Variants in NPC2 observed in about 807,000 individuals in gnomAD.
NPC2 encodes Niemann-Pick disease type C2 protein.
In NPC2, 14 loss-of-function variants were observed where a neutral mutation model predicts 17.0. The ratio of observed to expected loss-of-function variants is 0.82; its 90% CI spans 0.54 to 1.29. NPC2 has a LOEUF of 1.29. Among genes scored for constraint, NPC2 ranks in the 50% most tolerant of loss-of-function variants. The pLI is 0.00. For synonymous variants in NPC2, 75 were observed against 69.3 expected, an observed-to-expected ratio of 1.08 and a Z score of -0.41; for missense variants, 167 against 183.4, an observed-to-expected ratio of 0.91 and a Z score of 0.52.
chr14:74,484,353 T>C, intron 3 of NPC2, 62 bp downstream of exon 3: 3 of 1,567,846 alleles, frequency 1.9e-6, no homozygotes, highest in Non-Finnish European at 1.8e-6. Flanking sequence ...TCTTGCCCAC[T>C]GCCCTCAGAA....
upstream of NPC2, chr14:74,493,419 C>CCCGGCTCCGGAAAG (rs1481522094): frequency 1.4e-5 from 22 of 1,534,618 alleles, no homozygotes; most frequent in Non-Finnish European, 1.9e-5. This position sits in a 1 kb window ranked among gnomAD's most constrained non-coding sequence, Gnocchi z 4.1. Flanking sequence ...GCGCCCCGCC[C>CCCGGCTCCGGAAAG]CCGGCTCCGG....
intron 3 of NPC2, among the ~76,000 whole-genome samples, chr14:74,481,701 C>G (rs1467667150): frequency 2.0e-5 from 3 of 152,174 alleles, no homozygotes; most frequent in Admixed American, 1.3e-4. Flanking sequence ...GGATGACAAC[C>G]TTTTGTAGCA....
At chr14:74,493,307 A>G, upstream of NPC2, 1 of 1,604,274 alleles carries the variant, frequency 6.2e-7, no homozygotes, top group Non-Finnish European at 8.5e-7. The surrounding 1 kb of genome is among the most constrained non-coding windows in gnomAD (Gnocchi z 4.1). Context: ...TCGGGAAAGA[A>G]GCAGCGGCCG....
chr14:74,487,281 T>TTTG (rs2086724042), intron 1 of NPC2, among the ~76,000 whole-genome samples: 1 of 149,876 alleles, frequency 6.7e-6, no homozygotes, highest in African/African-American at 2.5e-5. Context: ...TTTGTTTTTT[T>TTTG]TTTTTGAGAC....
intron 2 of NPC2, among the ~76,000 whole-genome samples, chr14:74,485,219 C>T (rs2086697507): frequency 7.3e-6 from 1 of 136,306 alleles, no homozygotes; most frequent in African/African-American, 2.7e-5. Context: ...CGCTTGAGCC[C>T]AGGAGGCGGA....
chr14:74,480,322 G>GT, intron 4 of NPC2, 34 bp from the exon 5 acceptor site: 1 of 1,571,428 alleles, frequency 6.4e-7, no homozygotes, highest in Non-Finnish European at 8.8e-7. Flanking sequence ...AGTGGAAGTG[G>GT]TTTGGAACCT....
At chr14:74,483,211 T>C (rs1429966069) in intron 3 of NPC2, 3 of 865,418 alleles carry the variant, frequency 3.5e-6, no homozygotes, top group Non-Finnish European at 5.8e-6. Flanking sequence ...TGCACTAGTA[T>C]ATTCAGTCCA....
intron 4 of NPC2, 75 bp from the exon 5 acceptor site, chr14:74,480,363 G>A (rs2086643452): frequency 1.5e-6 from 2 of 1,310,194 alleles, no homozygotes; most frequent in Non-Finnish European, 2.2e-6. Context: ...TAACCCTAGG[G>A]CAAGTTATCA....
At chr14:74,487,264 GT>G (rs1491518755) in intron 1 of NPC2, among the ~76,000 whole-genome samples, 1 of 142,914 alleles carries the variant, frequency 7.0e-6, no homozygotes, top group Non-Finnish European at 1.5e-5. Flanking sequence ...TGTTTTTGTG[GT>G]TTTTTTTTGT....
At chr14:74,493,312 C>G (rs775366079), upstream of NPC2, 1 of 1,597,158 alleles carries the variant, frequency 6.3e-7, no homozygotes, top group Non-Finnish European at 8.5e-7. This position sits in a 1 kb window ranked among gnomAD's most constrained non-coding sequence, Gnocchi z 4.1. Flanking sequence ...AAAGAAGCAG[C>G]GGCCGCCCGC....
At chr14:74,482,996 G>C in intron 3 of NPC2, 1 of 801,510 alleles carries the variant, frequency 1.2e-6, no homozygotes, top group Non-Finnish European at 2.2e-6. Flanking sequence ...GTGGTCCTTG[G>C]TTCAGGAGGT....
At chr14:74,487,263 G>GTTTTTTTTTTTTTT (rs1208707592) in intron 1 of NPC2, among the ~76,000 whole-genome samples, 2 of 134,952 alleles carry the variant, frequency 1.5e-5, no homozygotes, top group Non-Finnish European at 1.6e-5. Flanking sequence ...TTGTTTTTGT[G>GTTTTTTTTTTTTTT]GTTTTTTTTT....
chr14:74,488,287 GC>G (rs1413261071), intron 1 of NPC2, among the ~76,000 whole-genome samples: 1 of 152,118 alleles, frequency 6.6e-6, no homozygotes, highest in African/African-American at 2.4e-5. Flanking sequence ...TAAATCCTTT[GC>G]CCAGTATTTT....
At chr14:74,489,043 G>A (rs1329690048) in intron 1 of NPC2, among the ~76,000 whole-genome samples, 2 of 152,208 alleles carry the variant, frequency 1.3e-5, no homozygotes, top group African/African-American at 4.8e-5. Context: ...AGGTTGTTAA[G>A]ATCTGGATTT....
intron 3 of NPC2, among the ~76,000 whole-genome samples, chr14:74,481,388 G>T (rs538774231): frequency 6.6e-6 from 1 of 152,354 alleles, no homozygotes; most frequent in South Asian, 2.1e-4. Flanking sequence ...CTATGCTTCA[G>T]GTACAGCTTG....
upstream of NPC2, chr14:74,493,473 C>A: frequency 7.9e-7 from 1 of 1,264,324 alleles, no homozygotes; most frequent in Non-Finnish European, 1.1e-6. The surrounding 1 kb of genome is among the most constrained non-coding windows in gnomAD (Gnocchi z 4.1). Flanking sequence ...CTGCAGTCTC[C>A]GCCCATGCCA....
intron 3 of NPC2, 21 bp from the exon 4 acceptor site, chr14:74,480,800 T>G (rs1345341754): frequency 1.9e-6 from 3 of 1,599,484 alleles, no homozygotes; most frequent in Non-Finnish European, 2.6e-6. Flanking sequence ...AGAAAAATAA[T>G]TGAGAAAAAT....
chr14:74,493,079 C>T lies in NPC2; in HGVS notation c.82+114G>A. On this transcript the variant is annotated intron_variant, in intron 1 of 4. Transcript: ENST00000555619. This position sits in a 1 kb window ranked among gnomAD's most constrained non-coding sequence, Gnocchi z 4.1. ...CATTCCAGTTAGGTAGGGTCCAAGG[C>T]TCAGCCTGGCCGCCCGAGGGATCCG... 7.3e-7 allele frequency: 1 copy of T among 1,371,086 alleles called. No individual in the cohort carries two copies. Among genetic ancestry groups the T allele is most frequent in the South Asian group, 1.3e-5 (1 of 74,302 alleles). The allele number at this position is 1,371,086 out of a possible 1,614,324, so 84.9% of individuals were successfully genotyped here. A position where few individuals can be genotyped will look rare whatever the true frequency, so the allele number is the denominator to read the frequency against.
In NPC2 at chr14:74,486,353, T is replaced by G; in HGVS notation, c.166A>C (p.Ser56Arg). The change falls in exon 2 of 5, where the codon AGC (serine) becomes CGC (arginine). Residue 56 changes from serine to arginine, a missense_variant. By Grantham distance (110) the Ser-to-Arg change is moderately radical. Transcript: ENST00000555619. ...PCQLSKGQSYSVNVTFTSNIQ... is the reference protein window; with the variant it reads ...PCQLSKGQSYRVNVTFTSNIQ... ...CTGCTGGTGAAGGTGACATTGACGC[T>G]GTAAGACTGTCCTTTGCTCAGCTGG... 6.2e-7 allele frequency: 1 copy of G among 1,602,408 alleles called. No individual in the cohort carries two copies. The highest frequency in any genetic ancestry group is 8.5e-7 in the Non-Finnish European group (1 of 1,174,156).
Sources: gnomAD v4.1 joint callset for allele counts (sites outside exome capture counted in the v4.1 genomes callset) on GRCh38, gnomAD v4.1.1 for gene constraint, Gnocchi (gnomAD v3.1) non-coding constraint, MANE v1.5 for transcripts, NCBI Gene and HGNC (gene_info 2026-07-23, HGNC 2026-07-21) for gene names.